Variants in CFAP36 observed in about 807,000 individuals in gnomAD.
CFAP36 encodes cilia- and flagella-associated protein 36.
In CFAP36, 37 loss-of-function variants were observed where a neutral mutation model predicts 50.5. The observed-to-expected ratio is 0.73, with a 90% confidence interval of 0.56 to 0.96. The LOEUF is 0.96. Among genes scored for constraint, CFAP36 ranks in the 50% least tolerant of loss-of-function variants. The pLI, the probability that CFAP36 is intolerant of heterozygous loss-of-function variation, is 0.00. For missense variants in CFAP36, 407 were observed against 396.2 expected, an observed-to-expected ratio of 1.03 and a Z score of -0.23; for synonymous variants, 138 against 128.2, an observed-to-expected ratio of 1.08 and a Z score of -0.52.
Position 55,538,847 on chromosome 2 carries a change from C to T in CFAP36, c.640+1262C>T. 3 of 1,528,268 alleles carry T rather than the reference C, an allele frequency of 2.0e-6. No homozygotes were observed. The South Asian group carries it at 3.8e-5, about 19-fold the overall frequency. 94.7% of individuals were successfully genotyped at this position (1,528,268 alleles called of 1,614,324 possible). On this transcript the variant is annotated intron_variant, in intron 7 of 9. Transcript: ENST00000349456. The stretch of plus-strand genomic sequence containing the variant: ...TATGACTTACCTTGGTCTTCTGACA[C>T]TAAATATATTCTTCTAAACCTTAGT...
intron 9 of CFAP36, 65 bp downstream of exon 9, chr2:55,544,434 T>C: frequency 6.6e-7 from 1 of 1,507,664 alleles, no homozygotes; most frequent in Non-Finnish European, 8.9e-7. Context: ...AATCAGAATA[T>C]GTGCAAGAAA....
intron 1 of CFAP36, 96 bp downstream of exon 1, chr2:55,520,012 G>T: frequency 9.0e-7 from 1 of 1,111,862 alleles, no homozygotes; most frequent in Non-Finnish European, 1.3e-6. Context: ...TCGTCTCCCC[G>T]ACCCCCTGTC....
At chr2:55,538,773 G>C in intron 7 of CFAP36, 2 of 1,544,496 alleles carry the variant, frequency 1.3e-6, no homozygotes, top group Non-Finnish European at 1.7e-6. Context: ...AGAAATTCAA[G>C]GAAGCTGAGC....
intron 3 of CFAP36, among the ~76,000 whole-genome samples, chr2:55,525,691 C>T (rs1055646445): frequency 6.6e-6 from 1 of 151,856 alleles, no homozygotes; most frequent in Non-Finnish European, 1.5e-5. Context: ...AGTGCAATGG[C>T]ACAATCTCGG....
At chr2:55,526,657 G>A (rs933896091) in intron 3 of CFAP36, among the ~76,000 whole-genome samples, 2 of 152,012 alleles carry the variant, frequency 1.3e-5, no homozygotes, top group African/African-American at 4.8e-5. Flanking sequence ...TGTCCAGGCT[G>A]GTCTTGAGGT....
chr2:55,538,184 G>T (rs191999688), intron 7 of CFAP36, among the ~76,000 whole-genome samples: 56 of 152,028 alleles, frequency 3.7e-4, no homozygotes, highest in Admixed American at 1.2e-3. Context: ...TTATGGTCAT[G>T]AATTCAGTTC....
At chr2:55,534,542 G>T (rs1166122480) in intron 5 of CFAP36, among the ~76,000 whole-genome samples, 1 of 152,148 alleles carries the variant, frequency 6.6e-6, no homozygotes, top group Non-Finnish European at 1.5e-5. Flanking sequence ...ACTAAGAAAT[G>T]GTAATGGACA....
intron 4 of CFAP36, among the ~76,000 whole-genome samples, chr2:55,529,968 C>G (rs1278857590): frequency 6.6e-6 from 1 of 152,186 alleles, no homozygotes; most frequent in Non-Finnish European, 1.5e-5. Flanking sequence ...GGAGGGCTTG[C>G]TGAAGCACAT....
chr2:55,539,789 T>C (rs1373395214), intron 7 of CFAP36, among the ~76,000 whole-genome samples: 3 of 152,216 alleles, frequency 2.0e-5, no homozygotes, highest in African/African-American at 4.8e-5. Flanking sequence ...GTGTTGTCAG[T>C]GTTCTGGATT....
Position 55,529,747 on chromosome 2 carries a change from C to T in CFAP36, c.397+755C>T, listed in dbSNP as rs186300849. Among the ~76,000 whole-genome samples, 205 of 149,268 alleles carry T rather than the reference C, an allele frequency of 1.4e-3. 1 individual carries two copies. The highest frequency in any genetic ancestry group is 4.9e-3 in the African/African-American group (198 of 40,720). ...CTGCATGCTCTGCCTTGCGGGTTTA[C>T]ACCATTCTCCTGCCTCAGCCTTCTG... On this transcript the variant is annotated intron_variant, in intron 4 of 9. Transcript: ENST00000349456.
intron 1 of CFAP36, 95 bp downstream of exon 1, chr2:55,520,011 C>A: frequency 9.0e-7 from 1 of 1,113,630 alleles, no homozygotes; most frequent in Non-Finnish European, 1.3e-6. Context: ...CTCGTCTCCC[C>A]GACCCCCTGT....
At position 55,519,725 on chromosome 2, in the gene CFAP36, C is replaced by T; in HGVS notation, c.-77C>T. The T allele has an allele frequency of 6.3e-6, 9 of 1,431,918 alleles. No homozygotes were observed. Among genetic ancestry groups the T allele is most frequent in the Non-Finnish European group, 8.8e-6 (9 of 1,019,842 alleles). The allele number at this position is 1,431,918 out of a possible 1,614,324, so 88.7% of individuals were successfully genotyped here. On this transcript the variant is annotated 5_prime_UTR_variant, in exon 1 of 10. Transcript: ENST00000349456. ...CAGCTCTTCCCCTACTCCCTCTCGG[C>T]TCCTTGTGGCCCAAAGGCCTAACCG...
intron 7 of CFAP36, among the ~76,000 whole-genome samples, chr2:55,542,188 A>C (rs972755659): frequency 1.3e-5 from 2 of 152,232 alleles, no homozygotes; most frequent in Non-Finnish European, 2.9e-5. Context: ...AAATTGAATA[A>C]ATTTGCTTTG....
At chr2:55,536,981 G>A (rs550938828) in intron 6 of CFAP36, among the ~76,000 whole-genome samples, 259 of 152,288 alleles carry the variant, frequency 1.7e-3, no homozygotes, top group Non-Finnish European at 3.2e-3. Context: ...GACCTCAGGT[G>A]ATCTGCTGGC....
chr2:55,522,967 T>C (rs952227813), intron 2 of CFAP36, among the ~76,000 whole-genome samples: 5 of 151,868 alleles, frequency 3.3e-5, no homozygotes, highest in Non-Finnish European at 4.4e-5. Flanking sequence ...TGATGGCATG[T>C]GCCTGTAGTC....
chr2:55,525,753 C>G (rs758113701), intron 3 of CFAP36, among the ~76,000 whole-genome samples: 12 of 152,170 alleles, frequency 7.9e-5, no homozygotes, highest in Non-Finnish European at 1.5e-4. Flanking sequence ...GCCTCAGCCT[C>G]CCAAGTAGCT....
At chr2:55,521,593 ATATGTGTGTGTGTG>A (rs1684066451) in intron 1 of CFAP36, among the ~76,000 whole-genome samples, 1 of 147,394 alleles carries the variant, frequency 6.8e-6, no homozygotes, top group South Asian at 2.2e-4. Flanking sequence ...TTAATAGTAT[ATATGTGTGTGTGTG>A]TGTGTGTGTG....
rs780701711 is a variant in CFAP36 at position 55,519,866 on chromosome 2, G to T, written c.65G>T (p.Gly22Val). ...GAGAGCATCGCGGGGTTCCTGCGAGGCCCAGACTGGTCCATCCCCATCTTG... is the reference window on the plus strand; with the variant it reads ...GAGAGCATCGCGGGGTTCCTGCGAGTCCCAGACTGGTCCATCCCCATCTTG... ...VVESIAGFLRGPDWSIPILDF... is the reference protein window; with the variant it reads ...VVESIAGFLRVPDWSIPILDF... Residue 22 changes from glycine (G) to valine (V), a missense_variant, in exon 1 of 10, where the codon GGC becomes GTC. Coordinates refer to ENST00000349456, the MANE Select transcript of CFAP36 (RefSeq NM_080667.7). 16 of 1,614,120 alleles carry T rather than the reference G, an allele frequency of 9.9e-6. No homozygotes were observed. Among genetic ancestry groups the T allele is most frequent in the Non-Finnish European group, 9.3e-6 (11 of 1,180,040 alleles).
chr2:55,545,059 A>G lies in CFAP36; in HGVS notation c.*51A>G. 9.0e-7 allele frequency: 1 copy of G among 1,114,468 alleles called. No homozygotes were observed. Among genetic ancestry groups the G allele is most frequent in the Non-Finnish European group, 1.3e-6 (1 of 771,804 alleles). The allele number at this position is 1,114,468 out of a possible 1,614,324, so 69.0% of individuals were successfully genotyped here. A position where few individuals can be genotyped will look rare whatever the true frequency, so the allele number is the denominator to read the frequency against. On this transcript the variant is annotated 3_prime_UTR_variant, in exon 10 of 10. Coordinates refer to ENST00000349456, the MANE Select transcript of CFAP36 (RefSeq NM_080667.7). ...GAAGTTCAAATTGTCTTAAAAATAA[A>G]TTATTTAGTCCTTACACTGAGCCTT...
Sources: allele counts gnomAD v4.1 joint callset (sites outside exome capture counted in the v4.1 genomes callset), GRCh38; gene constraint gnomAD v4.1.1; transcripts MANE v1.5; gene names NCBI Gene and HGNC (gene_info 2026-07-23, HGNC 2026-07-21).